JAZF1: variants seen among roughly 807,000 people sequenced by gnomAD.
JAZF1 encodes the protein JAZF zinc finger 1, also known as juxtaposed with another zinc finger protein 1.
A neutral mutation model predicts 26.4 loss-of-function variants in JAZF1; 8 were observed. The ratio of observed to expected loss-of-function variants is 0.30; its 90% CI spans 0.18 to 0.55. The LOEUF is 0.55. Ranked by LOEUF, JAZF1 falls within the 20% of genes least tolerant of loss-of-function variation. The pLI is 0.94. For missense variants in JAZF1, 199 were observed against 322.0 expected, an observed-to-expected ratio of 0.62 and a Z score of 2.92; for synonymous variants, 126 against 122.3, an observed-to-expected ratio of 1.03 and a Z score of -0.20.
chr7:27,909,329 T>A (rs1276040721), intron 2 of JAZF1, among the ~76,000 whole-genome samples: 1 of 152,042 alleles, frequency 6.6e-6, no homozygotes, highest in Non-Finnish European at 1.5e-5. Flanking sequence ...GTGAACTGTG[T>A]GTAAATCTTG....
At chr7:27,956,197 A>G (rs979505719) in intron 2 of JAZF1, among the ~76,000 whole-genome samples, 1 of 152,160 alleles carries the variant, frequency 6.6e-6, no homozygotes, top group Admixed American at 6.5e-5. Context: ...TCTGTCATGA[A>G]GCACAGGGAG....
intron 3 of JAZF1, among the ~76,000 whole-genome samples, chr7:27,868,841 T>C (rs151186009): frequency 5.3e-5 from 8 of 152,278 alleles, no homozygotes; most frequent in Non-Finnish European, 8.8e-5. Flanking sequence ...ATACAACTAA[T>C]ACATGGAGAA....
At chr7:28,165,371 G>A (rs974253033) in intron 1 of JAZF1, among the ~76,000 whole-genome samples, 9 of 152,164 alleles carry the variant, frequency 5.9e-5, no homozygotes, top group African/African-American at 1.9e-4. Context: ...TAGAGTGCCA[G>A]TTAGGGCTTC....
At chr7:28,070,545 C>T (rs892086764) in intron 1 of JAZF1, among the ~76,000 whole-genome samples, 10 of 152,226 alleles carry the variant, frequency 6.6e-5, no homozygotes, top group Admixed American at 6.5e-5. Flanking sequence ...TCACAGCAAT[C>T]CCGGCACGAT....
intron 3 of JAZF1, among the ~76,000 whole-genome samples, chr7:27,888,315 T>C (rs1783904800): frequency 6.6e-6 from 1 of 152,200 alleles, no homozygotes; most frequent in Non-Finnish European, 1.5e-5. Flanking sequence ...ATAGTATTTC[T>C]CTCTCTGAGA....
intron 1 of JAZF1, among the ~76,000 whole-genome samples, chr7:28,000,536 G>A (rs1015578408): frequency 7.9e-5 from 12 of 152,072 alleles, no homozygotes; most frequent in African/African-American, 2.9e-4. Flanking sequence ...GGCTGGTGAG[G>A]AGACAACAAG....
intron 1 of JAZF1, among the ~76,000 whole-genome samples, chr7:28,155,088 AATC>A (rs1783161739): frequency 1.3e-5 from 2 of 152,312 alleles, no homozygotes; most frequent in Admixed American, 1.3e-4. Context: ...ACCACTCTGC[AATC>A]ACATCAGTCA....
chr7:28,000,484 G>A (rs982287182), intron 1 of JAZF1, among the ~76,000 whole-genome samples: 3 of 152,194 alleles, frequency 2.0e-5, no homozygotes, highest in Non-Finnish European at 4.4e-5. Context: ...GCTTCTAGGT[G>A]ATAATTTGTT....
chr7:27,965,778 C>G (rs1232469264), intron 2 of JAZF1, among the ~76,000 whole-genome samples: 1 of 152,180 alleles, frequency 6.6e-6, no homozygotes, highest in Non-Finnish European at 1.5e-5. Flanking sequence ...AGGCATTCCT[C>G]CCTTATCCCT....
At chr7:28,158,168 A>AACACACACAC (rs759047365) in intron 1 of JAZF1, among the ~76,000 whole-genome samples, 3 of 142,464 alleles carry the variant, frequency 2.1e-5, no homozygotes, top group Admixed American at 1.4e-4. Flanking sequence ...CACACACACA[A>AACACACACAC]ACACACACAC....
intron 3 of JAZF1, among the ~76,000 whole-genome samples, chr7:27,887,558 G>C (rs1388445045): frequency 2.0e-5 from 3 of 152,084 alleles, no homozygotes; most frequent in African/African-American, 7.2e-5. Context: ...TGGGATTACA[G>C]GTGCGCACCA....
intron 2 of JAZF1, among the ~76,000 whole-genome samples, chr7:27,897,017 T>C (rs1784077192): frequency 6.6e-6 from 1 of 152,212 alleles, no homozygotes; most frequent in African/African-American, 2.4e-5. Flanking sequence ...TTAAACTTCT[T>C]TCCCTCCGCC....
In JAZF1 at chr7:27,942,186, G is replaced by A. The variant is rs117208110; in HGVS notation, c.189-46770C>T. Among the ~76,000 whole-genome samples the A allele has an allele frequency of 6.8e-4, 104 of 152,326 alleles. 3 individuals are homozygous for A. The East Asian group carries it at 0.011, about 16-fold the overall frequency. On this transcript the variant is annotated intron_variant, in intron 2 of 4. Transcript: ENST00000283928. ...TCCTTTCCTAATGATCAAGATAACA[G>A]ATAACAACAGCTAGAAGTACCATTT...
chr7:27,855,744 C>T (rs150225600), intron 3 of JAZF1, among the ~76,000 whole-genome samples: 11,488 of 152,122 alleles, frequency 0.076, 635 homozygotes, highest in Middle Eastern at 0.12. Context: ...CAAAAGAAGC[C>T]CAGGACCAGA....
chr7:27,855,264 G>C (rs540990072), intron 3 of JAZF1, among the ~76,000 whole-genome samples: 1 of 152,080 alleles, frequency 6.6e-6, no homozygotes, highest in East Asian at 1.9e-4. Context: ...ATGCCCACAA[G>C]AGAAAGCAGG....
At chr7:27,990,478 A>C (rs1785878704) in intron 2 of JAZF1, among the ~76,000 whole-genome samples, 1 of 152,190 alleles carries the variant, frequency 6.6e-6, no homozygotes, top group African/African-American at 2.4e-5. Context: ...CCTGCTGTCC[A>C]ACATGGCTGA....
intron 1 of JAZF1, among the ~76,000 whole-genome samples, chr7:28,153,792 A>T (rs1783141976): frequency 1.3e-5 from 2 of 152,164 alleles, no homozygotes; most frequent in Admixed American, 1.3e-4. Flanking sequence ...TGGTCTGGCA[A>T]TGACCACGGT....
intron 2 of JAZF1, among the ~76,000 whole-genome samples, chr7:27,990,891 T>C (rs1378999972): frequency 6.6e-6 from 1 of 152,188 alleles, no homozygotes; most frequent in Non-Finnish European, 1.5e-5. Flanking sequence ...TCTCACTTCT[T>C]GGGAAGGCTG....
intron 1 of JAZF1, among the ~76,000 whole-genome samples, chr7:28,021,628 G>T (rs1340248019): frequency 6.6e-6 from 1 of 152,214 alleles, no homozygotes; most frequent in Non-Finnish European, 1.5e-5. Flanking sequence ...AGACATGGTG[G>T]TGGGGCAGGG....
Sources: gnomAD v4.1 joint callset for allele counts (sites outside exome capture counted in the v4.1 genomes callset) on GRCh38, gnomAD v4.1.1 for gene constraint, MANE v1.5 for transcripts, NCBI Gene and HGNC (gene_info 2026-07-23, HGNC 2026-07-21) for gene names.